STK32C: variants seen among roughly 807,000 people sequenced by gnomAD.
The protein encoded by STK32C is serine/threonine kinase 32C.
Under a neutral mutation model 56.5 loss-of-function variants are expected in STK32C, and 31 were observed. The observed-to-expected ratio is 0.55, with a 90% CI of 0.41 to 0.74. The LOEUF (loss-of-function observed/expected upper bound fraction) is 0.74, where lower values mean the gene tolerates loss of function less well. Among genes scored for constraint, STK32C ranks in the 30% least tolerant of loss-of-function variants. The pLI is 0.00. For missense variants in STK32C, 544 were observed against 676.9 expected (o/e 0.80, Z 2.18); for synonymous variants, 309 against 289.4 (o/e 1.07, Z -0.69).
chr10:132,218,769 C>A lies in STK32C; in HGVS notation c.1251+3872G>T, dbSNP rs528206011. Among the ~76,000 whole-genome samples, 3 of 152,278 alleles carry A rather than the reference C, an allele frequency of 2.0e-5. No individual in the cohort carries two copies. In the South Asian group the frequency reaches 6.2e-4, roughly 32 times the overall value. ...TGTGAATGTTCACAGCAGCATTATT[C>A]ATGATAATGAAAAATGTTAACAAGT... On this transcript the variant is annotated intron_variant, in intron 10 of 11. Transcript: ENST00000298630.
intron 10 of STK32C, among the ~76,000 whole-genome samples, chr10:132,216,639 G>GA (rs2062481277): frequency 6.6e-6 from 1 of 152,144 alleles, no homozygotes; most frequent in Non-Finnish European, 1.5e-5. Context: ...GGCCTAGGAG[G>GA]AAAAAATGGT....
At chr10:132,308,758 G>A (rs2066162158), upstream of STK32C, among the ~76,000 whole-genome samples, 1 of 152,290 alleles carries the variant, frequency 6.6e-6, no homozygotes, top group East Asian at 1.9e-4. Context: ...CAGGGGCCTC[G>A]GCACTCGGCG....
At chr10:132,289,904 G>A (rs2065514714) in intron 1 of STK32C, among the ~76,000 whole-genome samples, 1 of 152,232 alleles carries the variant, frequency 6.6e-6, no homozygotes, top group Non-Finnish European at 1.5e-5. Context: ...ATAAGCACAT[G>A]AAAGAGTCGT....
chr10:132,312,577 G>A (rs549886984), upstream of STK32C, among the ~76,000 whole-genome samples: 78 of 152,216 alleles, frequency 5.1e-4, no homozygotes, highest in South Asian at 0.016. Flanking sequence ...AAGAGTCATC[G>A]GTCCCAAGTA....
At chr10:132,230,061 C>A (rs192162428) in intron 2 of STK32C, among the ~76,000 whole-genome samples, 1 of 151,948 alleles carries the variant, frequency 6.6e-6, no homozygotes, top group Non-Finnish European at 1.5e-5. Context: ...CTCCTGAACA[C>A]GCGGCCACAC....
intron 2 of STK32C, among the ~76,000 whole-genome samples, chr10:132,234,849 G>A (rs1189961342): frequency 6.6e-6 from 1 of 152,248 alleles, no homozygotes; most frequent in East Asian, 1.9e-4. Flanking sequence ...AGCAGCCATT[G>A]GACACTTGTG....
At chr10:132,221,779 G>A (rs1321448785) in intron 10 of STK32C, among the ~76,000 whole-genome samples, 2 of 130,676 alleles carry the variant, frequency 1.5e-5, no homozygotes, top group East Asian at 2.4e-4. Context: ...ACACCTGGGC[G>A]AGTCTGAGGG....
intron 1 of STK32C, among the ~76,000 whole-genome samples, chr10:132,289,886 A>G (rs1266582102): frequency 6.6e-6 from 1 of 152,218 alleles, no homozygotes; most frequent in Non-Finnish European, 1.5e-5. Context: ...GGTCCACTCC[A>G]ATGTTCAATA....
At chr10:132,327,804 T>C (rs941518370) in intron 1 of STK32C, among the ~76,000 whole-genome samples, 1 of 152,048 alleles carries the variant, frequency 6.6e-6, no homozygotes, top group Non-Finnish European at 1.5e-5. Context: ...AAAACAAAAA[T>C]TTAAAAACCA....
intron 1 of STK32C, among the ~76,000 whole-genome samples, chr10:132,288,945 T>G (rs140752139): frequency 6.6e-6 from 1 of 152,294 alleles, no homozygotes; most frequent in East Asian, 1.9e-4. Flanking sequence ...TACATATAAA[T>G]TGACAAGTTT....
At chr10:132,312,246 A>C (rs144079576), upstream of STK32C, among the ~76,000 whole-genome samples, 2,198 of 152,186 alleles carry the variant, frequency 0.014, 44 homozygotes, top group South Asian at 0.045. Context: ...GGGGCTCAAG[A>C]AATCCACCCC....
chr10:132,299,455 C>T (rs1355707621), intron 1 of STK32C, among the ~76,000 whole-genome samples: 2 of 151,776 alleles, frequency 1.3e-5, no homozygotes, highest in Non-Finnish European at 2.9e-5. Flanking sequence ...AACTGAGACC[C>T]CAGGACGAGA....
At chr10:132,319,945 T>C (rs1490956699), downstream of STK32C, among the ~76,000 whole-genome samples, 1 of 151,162 alleles carries the variant, frequency 6.6e-6, no homozygotes, top group East Asian at 1.9e-4. Context: ...TGGAGTATAA[T>C]GGCACGATCT....
In STK32C at chr10:132,262,618, A is replaced by C. The variant is rs916629708; in HGVS notation, c.263-16663T>G. 7.2e-5 allele frequency among the ~76,000 whole-genome samples: 11 copies of C among 152,244 alleles called. No individual in the cohort carries two copies. The South Asian group carries it at 1.9e-3, about 26-fold the overall frequency. On this transcript the variant is annotated intron_variant, in intron 1 of 11. Transcript: ENST00000298630. ...AACAAACAAATAAACCTATTAAAAA[A>C]CGGGTAAGATACAGCTGGGCACAGT...
intron 1 of STK32C, among the ~76,000 whole-genome samples, chr10:132,316,856 C>T (rs1443967483): frequency 6.6e-6 from 1 of 151,904 alleles, no homozygotes; most frequent in Non-Finnish European, 1.5e-5. Flanking sequence ...GAGATTGAGA[C>T]CATCTTGGCC....
At chr10:132,234,854 C>T (rs946567436) in intron 2 of STK32C, among the ~76,000 whole-genome samples, 2 of 152,216 alleles carry the variant, frequency 1.3e-5, no homozygotes, top group Non-Finnish European at 2.9e-5. Flanking sequence ...CCATTGGACA[C>T]TTGTGCAGTA....
chr10:132,319,953 T>A (rs936463316), downstream of STK32C, among the ~76,000 whole-genome samples: 25 of 150,922 alleles, frequency 1.7e-4, no homozygotes, highest in Admixed American at 1.2e-3. Context: ...AATGGCACGA[T>A]CTCGGCTCAC....
intron 1 of STK32C, among the ~76,000 whole-genome samples, chr10:132,300,846 G>A (rs931158158): frequency 2.6e-5 from 4 of 152,208 alleles, no homozygotes; most frequent in Admixed American, 6.5e-5. Flanking sequence ...GTCTCGCCAC[G>A]TGCCCAAGTA....
At chr10:132,292,583 T>C (rs1390387062) in intron 1 of STK32C, among the ~76,000 whole-genome samples, 1 of 152,240 alleles carries the variant, frequency 6.6e-6, no homozygotes, top group Non-Finnish European at 1.5e-5. Flanking sequence ...ATATTCATGC[T>C]TGCACACATG....
Sources: gnomAD v4.1 joint callset for allele counts (sites outside exome capture counted in the v4.1 genomes callset) on GRCh38, gnomAD v4.1.1 for gene constraint, MANE v1.5 for transcripts, NCBI Gene and HGNC (gene_info 2026-07-23, HGNC 2026-07-21) for gene names.